CPSF1: variants seen among roughly 807,000 people sequenced by gnomAD.
CPSF1 encodes the protein cleavage and polyadenylation specific factor 1.
A neutral mutation model predicts 175.8 loss-of-function variants in CPSF1; 106 were observed. That is an observed-to-expected ratio of 0.60 (90% CI 0.52 to 0.71). The LOEUF (loss-of-function observed/expected upper bound fraction) is 0.71, where lower values mean the gene tolerates loss of function less well. Ranked by LOEUF, CPSF1 falls within the 30% of genes least tolerant of loss-of-function variation. The pLI is 0.00. For synonymous variants in CPSF1, 1,024 were observed against 858.3 expected, an observed-to-expected ratio of 1.19 and a Z score of -3.37; for missense variants, 1,734 against 2,022.9, an observed-to-expected ratio of 0.86 and a Z score of 2.74.
Position 144,397,531 on chromosome 8 carries a change from G to C in CPSF1, c.2341C>G (p.Pro781Ala). Residue 781 changes from proline to alanine, a missense_variant, in exon 22 of 38, where the codon CCT becomes GCT. Physicochemically the swap from Pro to Ala is conservative, Grantham distance 27. This residue lies in a region of CPSF1 where 585 missense variants were observed against 584.7 expected (regional missense o/e 1.00). Coordinates refer to ENST00000616140, the MANE Select transcript of CPSF1 (RefSeq NM_013291.3). ...CGCACCAGCAGGCACCAGTGGGTAG[G>C]CTCTGCCCGGAAGGGTGCAGGGTCC... ...DRDPAPFRAE[P>A]THWCLLVREN... 6.3e-7 allele frequency: 1 copy of C among 1,575,570 alleles called. No homozygotes were observed. Among genetic ancestry groups the C allele is most frequent in the Non-Finnish European group, 8.7e-7 (1 of 1,155,508 alleles).
At chr8:144,396,967 G>C (rs990922642) in intron 23 of CPSF1, 38 bp from the exon 24 acceptor site, 3 of 1,494,160 alleles carry the variant, frequency 2.0e-6, no homozygotes, top group Non-Finnish European at 2.8e-6. Flanking sequence ...AACGGGCAGG[G>C]CCATGGAGAA....
chr8:144,393,557 A>G lies in CPSF1; in HGVS notation c.4179T>C (p.Asn1393=). The change falls in exon 37 of 38, where the codon AAT becomes AAC. Residue 1393 remains asparagine (N), a synonymous_variant. Transcript: ENST00000616140. Reference sequence around the variant, plus strand: ...CCCCATCCAGCACGTTGCGCACGGCATTCTGGAGGGTGCGGCGGTCCACGT... The same window carrying G: ...CCCCATCCAGCACGTTGCGCACGGCGTTCTGGAGGGTGCGGCGGTCCACGT... ...MLHVDRRTLQ[N]AVRNVLDGEL... 5 of 1,605,232 alleles carry G rather than the reference A, an allele frequency of 3.1e-6. No homozygotes were observed. Among genetic ancestry groups the G allele is most frequent in the Non-Finnish European group, 2.5e-6 (3 of 1,177,658 alleles).
chr8:144,408,806 G>A (rs1050458718), intron 2 of CPSF1, among the ~76,000 whole-genome samples: 2 of 152,246 alleles, frequency 1.3e-5, no homozygotes, highest in Non-Finnish European at 2.9e-5. Flanking sequence ...GCCCTTCCCG[G>A]TGGGGTAGGA....
intron 5 of CPSF1, 52 bp from the exon 6 acceptor site, chr8:144,401,127 A>G: frequency 6.3e-7 from 1 of 1,599,604 alleles, no homozygotes; most frequent in South Asian, 1.1e-5. Flanking sequence ...CCCCGAGGGA[A>G]ACACTTGGGG....
intron 4 of CPSF1, 65 bp from the exon 5 acceptor site, chr8:144,401,356 C>T: frequency 6.2e-7 from 1 of 1,610,702 alleles, no homozygotes; most frequent in South Asian, 1.1e-5. Flanking sequence ...CCCCGGCAAC[C>T]AACGGCTGTA....
At chr8:144,394,358 G>A (rs782419255) in intron 32 of CPSF1, 21 bp downstream of exon 32, 4 of 1,591,226 alleles carry the variant, frequency 2.5e-6, no homozygotes, top group East Asian at 2.3e-5. Context: ...CCAGACACGA[G>A]CACCGCCGCC....
At chr8:144,403,199 C>T (rs2116894077) in intron 2 of CPSF1, among the ~76,000 whole-genome samples, 1 of 151,506 alleles carries the variant, frequency 6.6e-6, no homozygotes, top group African/African-American at 2.4e-5. Flanking sequence ...CAGGTTCAAG[C>T]GATTCTCCTG....
intron 9 of CPSF1, 27 bp downstream of exon 9, chr8:144,400,139 C>CT: frequency 8.2e-7 from 1 of 1,221,762 alleles, no homozygotes. Flanking sequence ...CCCCGGGCCC[C>CT]CCCCGCCCCA....
rs782373475 is a variant in CPSF1 at position 144,400,134 on chromosome 8, G to GCCCCCCCCCCCCC, written c.937+31_937+32insGGGGGGGGGGGGG. 1.9e-4 allele frequency: 188 copies of GCCCCCCCCCCCCC among 966,448 alleles called. 2 individuals are homozygous for GCCCCCCCCCCCCC. Among genetic ancestry groups the GCCCCCCCCCCCCC allele is most frequent in the Admixed American group, 3.7e-4 (13 of 34,888 alleles). The allele number at this position is 966,448 out of a possible 1,614,324, so 59.9% of individuals were successfully genotyped here. A position where few individuals can be genotyped will look rare whatever the true frequency, so the allele number is the denominator to read the frequency against. ...ACTAGGCAGGCCCAAGCCGTCCCCG[G>GCCCCCCCCCCCCC]GCCCCCCCCGCCCCAGCCACCCCAC... On this transcript the variant is annotated intron_variant, in intron 9 of 37. Transcript: ENST00000616140.
chr8:144,401,392 G>A (rs2116884161), intron 4 of CPSF1, 38 bp downstream of exon 4: 24 of 1,612,576 alleles, frequency 1.5e-5, no homozygotes, highest in Admixed American at 1.3e-4. Flanking sequence ...CCACTCCCAC[G>A]CCTTGGCCAG....
rs782658484 is a variant in CPSF1, at chr8:144,397,894, G to T, written c.2074-15C>A. On this transcript the variant is annotated splice_polypyrimidine_tract_variant and intron_variant, in intron 20 of 37. Transcript: ENST00000616140. ...ACCTTGGACTGCTGCGGGGAGAGGG[G>T]TGGGCTCAGCGGCGGGCAAGGGGCA... 1 of 1,600,872 alleles carries T rather than the reference G, an allele frequency of 6.2e-7. No homozygotes were observed. The highest frequency in any genetic ancestry group is 1.1e-5 in the South Asian group (1 of 90,928).
chr8:144,399,128 C>A lies in CPSF1; in HGVS notation c.1467G>T (p.Glu489Asp). 1 of 1,568,488 alleles carries A rather than the reference C, an allele frequency of 6.4e-7. No homozygotes were observed. Among genetic ancestry groups the A allele is most frequent in the East Asian group, 2.4e-5 (1 of 42,392 alleles). The change falls in exon 15 of 38, where the codon GAG (glutamate) becomes GAT (aspartate). Residue 489 changes from glutamate (E) to aspartate (D), a missense_variant and splice_region_variant. By Grantham distance (45) the Glu-to-Asp change is conservative. Coordinates refer to ENST00000616140, the MANE Select transcript of CPSF1 (RefSeq NM_013291.3). The surrounding 1 kb of genome is among the most constrained non-coding windows in gnomAD (Gnocchi z 6.4). The part of the protein sequence containing the change: ...AVGEPAFLSE[E>D]FQNSPEPDLE... Reference sequence around the variant, plus strand: ...CAGCCCCGACCCCAACCCTGGGCACCTCTTCAGAGAGGAAGGCAGGCTCGC... The same window carrying A: ...CAGCCCCGACCCCAACCCTGGGCACATCTTCAGAGAGGAAGGCAGGCTCGC...
chr8:144,396,203 C>G, intron 26 of CPSF1, 145 bp downstream of exon 26: 1 of 855,046 alleles, frequency 1.2e-6, no homozygotes, highest in Non-Finnish European at 1.8e-6. Context: ...CAGGTTCCAC[C>G]TCCTCGACCT....
Position 144,400,144 on chromosome 8 carries a change from G to GCC in CPSF1, c.937+20_937+21dup, listed in dbSNP as rs1194072613. 1.2e-4 allele frequency: 125 copies of GCC among 1,070,442 alleles called. 2 individuals are homozygous for GCC. Among genetic ancestry groups the GCC allele is most frequent in the Middle Eastern group, 3.1e-4 (1 of 3,180 alleles). The allele number at this position is 1,070,442 out of a possible 1,614,324, so 66.3% of individuals were successfully genotyped here. A position where few individuals can be genotyped will look rare whatever the true frequency, so the allele number is the denominator to read the frequency against. ...CCCAAGCCGTCCCCGGGCCCCCCCCGCCCCAGCCACCCCACACTCACGAAG... is the reference window on the plus strand; with the variant it reads ...CCCAAGCCGTCCCCGGGCCCCCCCCGCCCCCCAGCCACCCCACACTCACGAAG... On this transcript the variant is annotated intron_variant, in intron 9 of 37. Transcript: ENST00000616140.
At chr8:144,398,914 C>A in intron 16 of CPSF1, 44 bp downstream of exon 16, 1 of 1,611,448 alleles carries the variant, frequency 6.2e-7, no homozygotes, top group East Asian at 2.2e-5. Context: ...GTGAGCCCAC[C>A]CAGGTCCCAC....
intron 2 of CPSF1, among the ~76,000 whole-genome samples, chr8:144,403,281 C>T (rs1821319278): frequency 6.6e-6 from 1 of 151,752 alleles, no homozygotes; most frequent in Non-Finnish European, 1.5e-5. Context: ...ATTTTTAGTA[C>T]AGACAGGGTT....
intron 9 of CPSF1, 31 bp downstream of exon 9, chr8:144,400,135 G>GGGCCCCCCCC: frequency 4.9e-5 from 44 of 895,918 alleles, no homozygotes; most frequent in Non-Finnish European, 6.8e-5. Context: ...CCGTCCCCGG[G>GGGCCCCCCCC]CCCCCCCCGC....
chr8:144,401,763 C>T (rs2116887141), intron 2 of CPSF1, 90 bp from the exon 3 acceptor site: 1 of 1,390,506 alleles, frequency 7.2e-7, no homozygotes, highest in Non-Finnish European at 9.8e-7. Flanking sequence ...AAGCCTGGCC[C>T]CTGCCTCCTG....
At position 144,397,381 on chromosome 8, in the gene CPSF1, G is replaced by C; in HGVS notation, c.2418C>G (p.Phe806Leu). The stretch of plus-strand genomic sequence containing the variant: ...GCCCCACAGGGAAGTTCTTCACCAG[G>C]AACACCAGCCGCCAGTCGGGAAGCT... ...IYQLPDWRLV[F>L]LVKNFPVGQR... is the part of the protein sequence containing the mutation. The change falls in exon 23 of 38, where the codon TTC (phenylalanine) becomes TTG (leucine). Residue 806 changes from phenylalanine (F) to leucine (L), a missense_variant. Phe to Leu is a conservative substitution (Grantham distance 22). This residue lies in a region of CPSF1 where 585 missense variants were observed against 584.7 expected (regional missense o/e 1.00). Transcript: ENST00000616140. 1 of 1,568,380 alleles carries C rather than the reference G, an allele frequency of 6.4e-7. No individual in the cohort carries two copies. The highest frequency in any genetic ancestry group is 8.6e-7 in the Non-Finnish European group (1 of 1,156,980).
Sources: allele counts gnomAD v4.1 joint callset (sites outside exome capture counted in the v4.1 genomes callset), GRCh38; gene constraint gnomAD v4.1.1; regional missense constraint gnomAD v4.1.1; non-coding constraint Gnocchi (gnomAD v3.1); transcripts MANE v1.5; gene names NCBI Gene and HGNC (gene_info 2026-07-23, HGNC 2026-07-21).